Variants in SLC44A1 observed in about 807,000 individuals in gnomAD.
The protein encoded by SLC44A1 is choline transporter-like protein 1.
Under a neutral mutation model 79.3 loss-of-function variants are expected in SLC44A1, and 26 were observed. That is an observed-to-expected ratio of 0.33 (90% CI 0.24 to 0.46). The LOEUF (loss-of-function observed/expected upper bound fraction) is 0.46. Ranked by LOEUF, SLC44A1 falls within the 20% of genes least tolerant of loss-of-function variation. The pLI is 1.00. For synonymous variants in SLC44A1, 263 were observed against 286.2 expected, an observed-to-expected ratio of 0.92 and a Z score of 0.82; for missense variants, 688 against 798.1, an observed-to-expected ratio of 0.86 and a Z score of 1.66.
chr9:105,254,719 C>A (rs1829664344), intron 1 of SLC44A1, among the ~76,000 whole-genome samples: 1 of 152,086 alleles, frequency 6.6e-6, no homozygotes, highest in Non-Finnish European at 1.5e-5. Flanking sequence ...TTTTGCTCAC[C>A]CCCACTGCAT....
At chr9:105,404,765 A>G (rs1285999286) in intron 15 of SLC44A1, among the ~76,000 whole-genome samples, 3 of 152,216 alleles carry the variant, frequency 2.0e-5, no homozygotes, top group Non-Finnish European at 4.4e-5. Flanking sequence ...CACTATGGAT[A>G]TAGATTTGAA....
At chr9:105,268,599 G>A (rs1425341471) in intron 1 of SLC44A1, among the ~76,000 whole-genome samples, 6 of 152,046 alleles carry the variant, frequency 3.9e-5, no homozygotes, top group Non-Finnish European at 5.9e-5. Flanking sequence ...CACCTCCTGG[G>A]TTCAAGCAAT....
In SLC44A1 at chr9:105,386,408, A is replaced by G. The variant is rs62575083; in HGVS notation, c.1950+906A>G. 2.8e-3 allele frequency: 2,763 copies of G among 980,766 alleles called. 7 individuals carry two copies. The highest frequency in any genetic ancestry group is 0.011 in the South Asian group (233 of 21,198). 60.8% of individuals were successfully genotyped at this position (980,766 alleles called of 1,614,324 possible). ...TTTAAACAATGTGTCCCCTGACTGC[A>G]TATAATGTTCAAAAGTGTGAGGTAA... On this transcript the variant is annotated intron_variant, in intron 15 of 15. Transcript: ENST00000374720.
At chr9:105,383,434 T>C (rs1341748118) in intron 14 of SLC44A1, 75 bp downstream of exon 14, 2 of 850,402 alleles carry the variant, frequency 2.4e-6, no homozygotes, top group Non-Finnish European at 1.9e-6. Context: ...ACATTCTCTA[T>C]ATTTAATTCA....
chr9:105,328,504 AG>A (rs1261850695), intron 3 of SLC44A1, among the ~76,000 whole-genome samples: 2 of 152,144 alleles, frequency 1.3e-5, no homozygotes, highest in African/African-American at 4.8e-5. Context: ...AGGTTGCTTG[AG>A]GAACAGAAAG....
chr9:105,283,818 C>T (rs1001095350), intron 1 of SLC44A1, among the ~76,000 whole-genome samples: 1 of 152,178 alleles, frequency 6.6e-6, no homozygotes, highest in Non-Finnish European at 1.5e-5. Flanking sequence ...TTGCAATAAG[C>T]TCCATTGCTC....
At chr9:105,375,214 A>G (rs892361105) in intron 13 of SLC44A1, among the ~76,000 whole-genome samples, 4 of 151,986 alleles carry the variant, frequency 2.6e-5, no homozygotes, top group African/African-American at 9.7e-5. Flanking sequence ...TAATTTTTGT[A>G]TTATTAGTAG....
intron 3 of SLC44A1, among the ~76,000 whole-genome samples, chr9:105,310,392 A>G (rs1831145260): frequency 6.6e-6 from 1 of 152,168 alleles, no homozygotes; most frequent in Admixed American, 6.5e-5. Context: ...AGATTTCATG[A>G]AATTCCTGAC....
intron 1 of SLC44A1, among the ~76,000 whole-genome samples, chr9:105,297,034 C>G (rs1830742116): frequency 6.6e-6 from 1 of 152,160 alleles, no homozygotes; most frequent in Non-Finnish European, 1.5e-5. Context: ...CACAATGCTA[C>G]ATTCCTCTGG....
At chr9:105,422,516 T>C (rs1829267648) in intron 15 of SLC44A1, among the ~76,000 whole-genome samples, 1 of 151,852 alleles carries the variant, frequency 6.6e-6, no homozygotes, top group African/African-American at 2.4e-5. Flanking sequence ...CTTGATCTCT[T>C]AAACTGGTGA....
chr9:105,337,012 G>A (rs1588797696), intron 4 of SLC44A1, among the ~76,000 whole-genome samples: 1 of 152,156 alleles, frequency 6.6e-6, no homozygotes, highest in East Asian at 1.9e-4. Flanking sequence ...TGGACACTTG[G>A]TAGGTACTTG....
chr9:105,418,805 C>G (rs754219066), intron 15 of SLC44A1, among the ~76,000 whole-genome samples: 1 of 152,186 alleles, frequency 6.6e-6, no homozygotes, highest in Non-Finnish European at 1.5e-5. Context: ...TGAAATGTGA[C>G]TTTCTTATTA....
At chr9:105,305,842 C>CTTTTTTTTTTTTTTTTTTTTTTTTT (rs1564426808) in intron 2 of SLC44A1, among the ~76,000 whole-genome samples, 1 of 134,382 alleles carries the variant, frequency 7.4e-6, no homozygotes. Context: ...AAAAGTGTGT[C>CTTTTTTTTTTTTTTTTTTTTTTTTT]CTTTTTTTTT....
chr9:105,372,247 T>C (rs1468858538), intron 12 of SLC44A1, among the ~76,000 whole-genome samples: 2 of 152,180 alleles, frequency 1.3e-5, no homozygotes, highest in Non-Finnish European at 2.9e-5. Context: ...CCCCAATTTG[T>C]ATGATGGAAT....
chr9:105,344,049 TTTC>T (rs1228637832), intron 4 of SLC44A1, among the ~76,000 whole-genome samples: 1 of 152,180 alleles, frequency 6.6e-6, no homozygotes, highest in African/African-American at 2.4e-5. Context: ...GCATGTAGTG[TTTC>T]TTAATTAGTG....
intron 15 of SLC44A1, among the ~76,000 whole-genome samples, chr9:105,416,239 T>G (rs1829169020): frequency 6.6e-6 from 1 of 151,974 alleles, no homozygotes; most frequent in Admixed American, 6.6e-5. Context: ...TGTTATTGTT[T>G]TATGGAAATA....
intron 1 of SLC44A1, among the ~76,000 whole-genome samples, chr9:105,287,269 T>C (rs1830500483): frequency 6.6e-6 from 1 of 152,356 alleles, no homozygotes; most frequent in Non-Finnish European, 1.5e-5. Flanking sequence ...TTTTTACTAC[T>C]CAATTATACC....
At chr9:105,400,564 A>G (rs1002291800), downstream of SLC44A1, among the ~76,000 whole-genome samples, 1 of 152,100 alleles carries the variant, frequency 6.6e-6, no homozygotes, top group African/African-American at 2.4e-5. Context: ...TGACATAGGT[A>G]TATTCTTCTT....
downstream of SLC44A1, among the ~76,000 whole-genome samples, chr9:105,400,934 A>T (rs1433249781): frequency 6.6e-6 from 1 of 152,206 alleles, no homozygotes; most frequent in African/African-American, 2.4e-5. Flanking sequence ...TCCTGGCAGT[A>T]GTGTAACCAC....
Sources: gnomAD v4.1 joint callset for allele counts (sites outside exome capture counted in the v4.1 genomes callset) on GRCh38, gnomAD v4.1.1 for gene constraint, MANE v1.5 for transcripts, NCBI Gene and HGNC (gene_info 2026-07-23, HGNC 2026-07-21) for gene names.